GALNT13: variants seen among roughly 807,000 people sequenced by gnomAD.
GALNT13 encodes polypeptide N-acetylgalactosaminyltransferase 13.
GALNT13 carries 28 observed loss-of-function variants against 64.2 expected under a neutral mutation model. The observed-to-expected ratio is 0.44, with a 90% CI of 0.32 to 0.60. The LOEUF (loss-of-function observed/expected upper bound fraction) is 0.60, where lower values mean the gene tolerates loss of function less well. Among genes scored for constraint, GALNT13 ranks in the 20% least tolerant of loss-of-function variants. GALNT13 has a pLI of 0.05. For missense variants in GALNT13, 577 were observed against 669.8 expected, an observed-to-expected ratio of 0.86 and a Z score of 1.53; for synonymous variants, 214 against 224.6, an observed-to-expected ratio of 0.95 and a Z score of 0.42.
chr2:154,169,884 C>A (rs1685258471), intron 4 of GALNT13, among the ~76,000 whole-genome samples: 1 of 151,732 alleles, frequency 6.6e-6, no homozygotes, highest in Admixed American at 6.6e-5. Flanking sequence ...TCTCTCTTTC[C>A]CTTAGAGAGA....
the GALNT13 span, among the ~76,000 whole-genome samples, chr2:153,412,727 C>T: frequency 6.6e-6 from 1 of 152,156 alleles, no homozygotes; most frequent in Non-Finnish European, 1.5e-5. Context: ...AACACCCAGG[C>T]TGAATTGTAA....
the GALNT13 span, among the ~76,000 whole-genome samples, chr2:153,737,492 CAT>C: frequency 2.0e-5 from 3 of 151,676 alleles, no homozygotes; most frequent in Non-Finnish European, 4.4e-5. Flanking sequence ...CATTGTGTAA[CAT>C]ATATAAATAT....
chr2:154,360,695 C>A (rs985248597), intron 9 of GALNT13, among the ~76,000 whole-genome samples: 8 of 151,984 alleles, frequency 5.3e-5, no homozygotes, highest in Non-Finnish European at 1.0e-4. Context: ...TTCAGTATAT[C>A]TTTATTGAGC....
intron 4 of GALNT13, among the ~76,000 whole-genome samples, chr2:154,173,297 A>G (rs960582187): frequency 4.6e-5 from 7 of 151,898 alleles, no homozygotes; most frequent in African/African-American, 1.7e-4. Flanking sequence ...CTAGACCCCA[A>G]TTTCTCACTA....
the GALNT13 span, among the ~76,000 whole-genome samples, chr2:153,669,942 C>A: frequency 7.3e-6 from 1 of 136,830 alleles, no homozygotes; most frequent in African/African-American, 2.8e-5. Flanking sequence ...TGACATCAAC[C>A]TGGGACACTG....
chr2:153,670,505 C>T, the GALNT13 span, among the ~76,000 whole-genome samples: 13 of 151,378 alleles, frequency 8.6e-5, no homozygotes, highest in Admixed American at 2.6e-4. Flanking sequence ...ATAGCATCAA[C>T]ATCAACAAAA....
chr2:153,478,857 G>C, the GALNT13 span: 1 of 376,066 alleles, frequency 2.7e-6, no homozygotes, highest in Non-Finnish European at 4.9e-6. Flanking sequence ...GCCCGGCCGT[G>C]GGAGGTGCGG....
chr2:153,301,309 CAA>C, the GALNT13 span, among the ~76,000 whole-genome samples: 3 of 76,432 alleles, frequency 3.9e-5, 1 homozygote, highest in Admixed American at 2.4e-4. Flanking sequence ...GACTCCTTCT[CAA>C]AAAAAAAGAA....
intron 1 of GALNT13, among the ~76,000 whole-genome samples, chr2:153,875,111 CAT>C (rs66852005): frequency 0.71 from 106,514 of 150,134 alleles, 38,827 homozygotes; most frequent in African/African-American, 0.88. Flanking sequence ...CCTACTGCTT[CAT>C]ATATATATAT....
chr2:154,434,510 G>T (rs945853614), intron 11 of GALNT13, among the ~76,000 whole-genome samples: 1 of 152,076 alleles, frequency 6.6e-6, no homozygotes, highest in Non-Finnish European at 1.5e-5. Context: ...CCATGCGCCT[G>T]GGCCTCCCAA....
the GALNT13 span, among the ~76,000 whole-genome samples, chr2:153,637,365 G>T: frequency 3.9e-5 from 6 of 152,208 alleles, no homozygotes; most frequent in Admixed American, 3.3e-4. Context: ...GAATCCAAAA[G>T]CTGTTCTTAT....
chr2:153,445,968 CT>C, the GALNT13 span, among the ~76,000 whole-genome samples: 1 of 151,754 alleles, frequency 6.6e-6, no homozygotes, highest in African/African-American at 2.4e-5. Context: ...TTCTTTTTTG[CT>C]TTATTCCTTT....
At chr2:154,307,517 A>G (rs2105116180) in intron 9 of GALNT13, among the ~76,000 whole-genome samples, 1 of 152,300 alleles carries the variant, frequency 6.6e-6, no homozygotes, top group South Asian at 2.1e-4. Context: ...CCGTTTGGTA[A>G]TATTGACAAA....
At chr2:154,053,926 G>T (rs1699773161) in intron 3 of GALNT13, among the ~76,000 whole-genome samples, 1 of 152,026 alleles carries the variant, frequency 6.6e-6, no homozygotes, top group African/African-American at 2.4e-5. Flanking sequence ...TAACAGAATG[G>T]ATAGATTTTC....
chr2:153,216,194 G>A, the GALNT13 span, among the ~76,000 whole-genome samples: 1 of 151,948 alleles, frequency 6.6e-6, no homozygotes, highest in African/African-American at 2.4e-5. Flanking sequence ...TTGTATTGTA[G>A]CAACATTCCA....
intron 8 of GALNT13, among the ~76,000 whole-genome samples, chr2:154,298,517 A>AT (rs367611718): frequency 1.9e-4 from 16 of 86,376 alleles, no homozygotes; most frequent in Non-Finnish European, 2.8e-4. Flanking sequence ...TAAATTATAT[A>AT]TTATATATAA....
the GALNT13 span, among the ~76,000 whole-genome samples, chr2:153,324,620 G>C: frequency 6.6e-6 from 1 of 152,174 alleles, no homozygotes; most frequent in Non-Finnish European, 1.5e-5. Flanking sequence ...CTGTGGGTTT[G>C]TCATAAATAG....
chr2:153,498,051 T>C, the GALNT13 span, among the ~76,000 whole-genome samples: 1 of 152,210 alleles, frequency 6.6e-6, no homozygotes, highest in South Asian at 2.1e-4. Context: ...GAAATGTGCC[T>C]GGAGATTATT....
the GALNT13 span, among the ~76,000 whole-genome samples, chr2:153,859,042 G>A: frequency 6.6e-6 from 1 of 152,072 alleles, no homozygotes; most frequent in Admixed American, 6.6e-5. Flanking sequence ...CAAGTTCATG[G>A]GTTTTTATAT....
Sources: allele counts gnomAD v4.1 joint callset (sites outside exome capture counted in the v4.1 genomes callset), GRCh38; gene constraint gnomAD v4.1.1; transcripts MANE v1.5; gene names NCBI Gene and HGNC (gene_info 2026-07-23, HGNC 2026-07-21).